The following TDRD7 variants were observed in gnomAD, a reference collection of about 807,000 sequenced individuals.
TDRD7 encodes the protein tudor domain containing 7.
A neutral mutation model predicts 109.8 loss-of-function variants in TDRD7; 47 were observed. The ratio of observed to expected loss-of-function variants is 0.43; its 90% CI spans 0.34 to 0.55. The LOEUF (loss-of-function observed/expected upper bound fraction) is 0.55. Ranked by LOEUF, TDRD7 falls within the 20% of genes least tolerant of loss-of-function variation. The pLI, the probability that TDRD7 is intolerant of heterozygous loss-of-function variation, is 0.03. For missense variants in TDRD7, 1,164 were observed against 1,319.2 expected, an observed-to-expected ratio of 0.88 and a Z score of 1.82; for synonymous variants, 424 against 457.3, an observed-to-expected ratio of 0.93 and a Z score of 0.93.
In TDRD7 at chr9:97,472,281, A is replaced by G; in HGVS notation, c.1742-12A>G. ...TAATTAAGTAGAAATTAAAAGATTC[A>G]ATATTTTTCAGGCTTGGAAGTCCTA... On this transcript the variant is annotated splice_polypyrimidine_tract_variant and intron_variant, in intron 9 of 16. Coordinates refer to ENST00000355295, the MANE Select transcript of TDRD7 (RefSeq NM_014290.3). 1.9e-6 allele frequency: 3 copies of G among 1,611,090 alleles called. No individual in the cohort carries two copies. Among genetic ancestry groups the G allele is most frequent in the Non-Finnish European group, 2.5e-6 (3 of 1,177,350 alleles).
At chr9:97,415,182 A>G (rs1289460826) in intron 1 of TDRD7, among the ~76,000 whole-genome samples, 1 of 152,256 alleles carries the variant, frequency 6.6e-6, no homozygotes, top group Non-Finnish European at 1.5e-5. Flanking sequence ...CCACTCGACA[A>G]CTTAAACTGA....
chr9:97,435,965 CACAT>C (rs1000510117), intron 4 of TDRD7, among the ~76,000 whole-genome samples: 1 of 152,148 alleles, frequency 6.6e-6, no homozygotes, highest in Non-Finnish European at 1.5e-5. Context: ...GAAAAATTCA[CACAT>C]GTACATTTAC....
At chr9:97,452,096 CCCAACT>C (rs1828504515) in intron 6 of TDRD7, among the ~76,000 whole-genome samples, 1 of 152,170 alleles carries the variant, frequency 6.6e-6, no homozygotes, top group Non-Finnish European at 1.5e-5. Context: ...TGCTTGTAAT[CCCAACT>C]CCTTAGAAGG....
chr9:97,465,206 C>T (rs564978782), intron 8 of TDRD7, among the ~76,000 whole-genome samples, 178 bp downstream of exon 8: 2 of 152,084 alleles, frequency 1.3e-5, no homozygotes, highest in African/African-American at 2.4e-5. Context: ...CCTTTAAATT[C>T]GTGGTAGTTA....
Position 97,425,069 on chromosome 9 carries a change from C to T in TDRD7, c.-6-3391C>T, listed in dbSNP as rs547811576. Among the ~76,000 whole-genome samples the T allele has an allele frequency of 1.3e-4, 20 of 152,172 alleles. 1 individual carries two copies. The highest frequency in any genetic ancestry group is 3.6e-4 in the African/African-American group (15 of 41,526). On this transcript the variant is annotated intron_variant, in intron 1 of 16. Transcript: ENST00000355295. Reference sequence around the variant, plus strand: ...AGAACCTTCCATTGGTTCTATTCTTCGTACTACCTTTGTACATTTTACTTT... The same window carrying T: ...AGAACCTTCCATTGGTTCTATTCTTTGTACTACCTTTGTACATTTTACTTT...
chr9:97,436,622 T>C (rs572410679), intron 4 of TDRD7, among the ~76,000 whole-genome samples: 3 of 152,298 alleles, frequency 2.0e-5, no homozygotes, highest in South Asian at 4.1e-4. Flanking sequence ...TTAGGTATTA[T>C]GTTTAGAAAA....
chr9:97,481,040 T>C, intron 14 of TDRD7, 102 bp downstream of exon 14: 1 of 936,850 alleles, frequency 1.1e-6, no homozygotes, highest in Non-Finnish European at 1.8e-6. Context: ...GTAAAATGGA[T>C]GCTTCCACAT....
At chr9:97,461,479 CCAAAGGTGCTCTATTTATTTGAGT>C (rs72312588) in intron 7 of TDRD7, among the ~76,000 whole-genome samples, 69,873 of 152,022 alleles carry the variant, frequency 0.46, 16,095 homozygotes, top group Admixed American at 0.52. Flanking sequence ...GACCTTGGAC[CCAAAGGTGCTCTATTTATTTGAGT>C]CTTTCAGTAT....
chr9:97,495,577 T>A (rs992588701), intron 16 of TDRD7, 86 bp from the exon 17 acceptor site: 1 of 1,322,784 alleles, frequency 7.6e-7, no homozygotes, highest in Non-Finnish European at 1.1e-6. Context: ...ACTTTGGAAT[T>A]GACTAAATAA....
chr9:97,464,607 C>T (rs1283001017), intron 7 of TDRD7, among the ~76,000 whole-genome samples: 6 of 152,154 alleles, frequency 3.9e-5, no homozygotes, highest in South Asian at 4.1e-4. Flanking sequence ...CTGCCTGCCT[C>T]GGCCTCCCAG....
chr9:97,438,103 A>G lies in TDRD7; in HGVS notation c.564-1142A>G, dbSNP rs372931089. On this transcript the variant is annotated intron_variant, in intron 4 of 16. Coordinates refer to ENST00000355295, the MANE Select transcript of TDRD7 (RefSeq NM_014290.3). ...AAAGCAGGGGAAGCTTCCAGTTTAC[A>G]TGTTTTGGGCTGGTGTGCGGGAAGG... Among the ~76,000 whole-genome samples, 8 of 152,176 alleles carry G rather than the reference A, an allele frequency of 5.3e-5. No homozygotes were observed. In the East Asian group the frequency reaches 7.7e-4, roughly 15 times the overall value.
intron 4 of TDRD7, 25 bp from the exon 5 acceptor site, chr9:97,439,220 A>C (rs988666004): frequency 1.4e-6 from 2 of 1,398,148 alleles, no homozygotes; most frequent in African/African-American, 1.5e-5. Flanking sequence ...CATTTATTTT[A>C]CTTTTTTTTT....
intron 6 of TDRD7, among the ~76,000 whole-genome samples, chr9:97,451,323 T>G (rs1383566034): frequency 1.3e-5 from 2 of 152,158 alleles, no homozygotes. Flanking sequence ...CAGGTTTTGC[T>G]CTGTCCCTTA....
At chr9:97,458,825 ACTCTT>A (rs1182274416) in intron 6 of TDRD7, among the ~76,000 whole-genome samples, 2 of 151,906 alleles carry the variant, frequency 1.3e-5, no homozygotes, top group African/African-American at 4.8e-5. Context: ...ACTTGTCAAA[ACTCTT>A]CTCTGATAAC....
At chr9:97,414,947 A>C (rs780805980) in intron 1 of TDRD7, among the ~76,000 whole-genome samples, 5 of 152,208 alleles carry the variant, frequency 3.3e-5, no homozygotes, top group Non-Finnish European at 5.9e-5. Flanking sequence ...GTTAGCCTAG[A>C]CGATGCCTAA....
intron 8 of TDRD7, 128 bp from the exon 9 acceptor site, chr9:97,470,430 C>G: frequency 1.2e-6 from 1 of 853,904 alleles, no homozygotes; most frequent in East Asian, 2.7e-5. Flanking sequence ...ACCTCCCCAG[C>G]TTTTTCCAGG....
chr9:97,470,664 T>C lies in TDRD7; in HGVS notation c.1736T>C (p.Leu579Pro). 1 of 1,613,502 alleles carries C rather than the reference T, an allele frequency of 6.2e-7. No individual in the cohort carries two copies. Among genetic ancestry groups the C allele is most frequent in the South Asian group, 1.1e-5 (1 of 91,074 alleles). ...TCATTTCAAGCTACAAAATGTAAGC[T>C]TGCAGGTAAGAGGAACTTTTTAAAA... Reference protein sequence around the residue: ...SLSFQATKCKLAGLEVLSDDP... With the variant: ...SLSFQATKCKPAGLEVLSDDP... Residue 579 changes from leucine to proline, a missense_variant, in exon 9 of 17, where the codon CTT (leucine) becomes CCT (proline). Leu to Pro is a moderately conservative substitution (Grantham distance 98). Transcript: ENST00000355295.
In TDRD7 at chr9:97,472,511, C is replaced by G; in HGVS notation, c.1944+16C>G. The G allele has an allele frequency of 6.2e-7, 1 of 1,600,518 alleles. No individual in the cohort carries two copies. ...TCACCTGCAGGTACCACTGTGATCACTGTTGTTGCTTGTTACACATTTTGT... is the reference window on the plus strand; with the variant it reads ...TCACCTGCAGGTACCACTGTGATCAGTGTTGTTGCTTGTTACACATTTTGT... On this transcript the variant is annotated intron_variant, in intron 10 of 16. Transcript: ENST00000355295.
In TDRD7 at chr9:97,446,138, A is replaced by G. The variant is rs372292773; in HGVS notation, c.855+4263A>G. ...GCATGAGACCTGTCTTAAATTCCAA[A>G]TCCTGCAACAATGACTGCTGAACAC... On this transcript the variant is annotated intron_variant, in intron 6 of 16. Coordinates refer to ENST00000355295, the MANE Select transcript of TDRD7 (RefSeq NM_014290.3). Among the ~76,000 whole-genome samples the G allele has an allele frequency of 4.6e-5, 7 of 152,254 alleles. No individual in the cohort carries two copies. The South Asian group carries it at 1.0e-3, about 23-fold the overall frequency.
Sources: gnomAD v4.1 joint callset for allele counts (sites outside exome capture counted in the v4.1 genomes callset) on GRCh38, gnomAD v4.1.1 for gene constraint, MANE v1.5 for transcripts, NCBI Gene and HGNC (gene_info 2026-07-23, HGNC 2026-07-21) for gene names.